Variants in ZNF385B observed in about 807,000 individuals in gnomAD.
ZNF385B encodes the protein zinc finger protein 385B, also known as zinc finger protein 533.
A neutral mutation model predicts 39.2 loss-of-function variants in ZNF385B; 23 were observed. The observed-to-expected ratio is 0.59, with a 90% CI of 0.42 to 0.83. ZNF385B has a LOEUF of 0.83. ZNF385B is among the 40% of genes least tolerant of loss of function. The pLI is 0.00. For synonymous variants in ZNF385B, 205 were observed against 222.6 expected, an observed-to-expected ratio of 0.92 and a Z score of 0.70; for missense variants, 552 against 598.9, an observed-to-expected ratio of 0.92 and a Z score of 0.82.
chr2:179,507,257 C>T (rs10166378), intron 5 of ZNF385B, among the ~76,000 whole-genome samples: 4,072 of 152,186 alleles, frequency 0.027, 188 homozygotes, highest in African/African-American at 0.093. Context: ...TGCAGACACA[C>T]AAAATTTTAC....
chr2:179,665,242 T>C (rs1694993013), intron 3 of ZNF385B, among the ~76,000 whole-genome samples: 1 of 152,222 alleles, frequency 6.6e-6, no homozygotes. Context: ...AGGATAATGA[T>C]AATACAATAT....
At chr2:179,774,326 C>T (rs1704186114) in intron 1 of ZNF385B, among the ~76,000 whole-genome samples, 1 of 151,314 alleles carries the variant, frequency 6.6e-6, no homozygotes, top group African/African-American at 2.4e-5. Flanking sequence ...GTGTGTAGCA[C>T]TGGTTGTGAA....
At chr2:179,688,654 T>A (rs914974346) in intron 3 of ZNF385B, among the ~76,000 whole-genome samples, 2 of 152,192 alleles carry the variant, frequency 1.3e-5, no homozygotes, top group African/African-American at 4.8e-5. Flanking sequence ...CTTCCACTGT[T>A]CCTGGGACAG....
rs571072397 is a variant in ZNF385B, at chr2:179,555,253, C to T, written c.299-10284G>A. On this transcript the variant is annotated intron_variant, in intron 3 of 9. Coordinates refer to ENST00000410066, the MANE Select transcript of ZNF385B (RefSeq NM_152520.6). The stretch of plus-strand genomic sequence containing the variant: ...ATAAAGGAGTACATGCTGTATGATA[C>T]CATTTATATAAAGCGTAAAACCAGG... Among the ~76,000 whole-genome samples the T allele has an allele frequency of 1.4e-4, 21 of 149,474 alleles. 3 individuals carry two copies. The highest frequency in any genetic ancestry group is 5.0e-4 in the African/African-American group (20 of 39,740).
At chr2:179,820,044 T>C (rs1707311214) in intron 1 of ZNF385B, among the ~76,000 whole-genome samples, 1 of 152,188 alleles carries the variant, frequency 6.6e-6, no homozygotes, top group African/African-American at 2.4e-5. Flanking sequence ...AATGTTTATG[T>C]ATGTACATGA....
At chr2:179,615,810 T>C (rs1046513466) in intron 3 of ZNF385B, among the ~76,000 whole-genome samples, 2 of 152,238 alleles carry the variant, frequency 1.3e-5, no homozygotes. Context: ...GCACCTTAGA[T>C]GGTTCTGAGG....
chr2:179,705,931 T>C (rs1027208792), intron 3 of ZNF385B, among the ~76,000 whole-genome samples: 1 of 152,218 alleles, frequency 6.6e-6, no homozygotes, highest in Admixed American at 6.5e-5. Flanking sequence ...TGTTCTTCCC[T>C]CTCTCTGTCC....
At chr2:179,449,441 T>A (rs973877150) in intron 6 of ZNF385B, among the ~76,000 whole-genome samples, 1 of 152,106 alleles carries the variant, frequency 6.6e-6, no homozygotes, top group Non-Finnish European at 1.5e-5. Flanking sequence ...ATCACAAGCA[T>A]TCTTATACAC....
At chr2:179,521,154 A>G (rs1448829104) in intron 4 of ZNF385B, among the ~76,000 whole-genome samples, 2 of 150,986 alleles carry the variant, frequency 1.3e-5, no homozygotes, top group Admixed American at 1.3e-4. Context: ...TTTTTTACAT[A>G]ACTCCTAATA....
At chr2:179,473,622 T>C (rs143869520) in intron 6 of ZNF385B, among the ~76,000 whole-genome samples, 19,260 of 152,130 alleles carry the variant, frequency 0.13, 1,319 homozygotes, top group Non-Finnish European at 0.15. Flanking sequence ...TTGCTGCACC[T>C]ATCAACCCAT....
intron 3 of ZNF385B, among the ~76,000 whole-genome samples, chr2:179,765,271 A>G (rs992364679): frequency 1.3e-5 from 2 of 152,128 alleles, no homozygotes; most frequent in African/African-American, 2.4e-5. Context: ...CCTTTAGCCA[A>G]TATTTAAGTA....
chr2:179,859,525 A>G (rs1559258625), intron 1 of ZNF385B, among the ~76,000 whole-genome samples: 1 of 152,202 alleles, frequency 6.6e-6, no homozygotes, highest in South Asian at 2.1e-4. Flanking sequence ...TTCCTTTGTT[A>G]GGAGAATTCA....
At chr2:179,574,966 G>A (rs1489343546) in intron 3 of ZNF385B, among the ~76,000 whole-genome samples, 2 of 152,030 alleles carry the variant, frequency 1.3e-5, no homozygotes, top group South Asian at 2.1e-4. Context: ...TTTTAGAACT[G>A]CCCTTCTTTC....
chr2:179,709,097 C>G lies in ZNF385B; in HGVS notation c.298+60406G>C, dbSNP rs146908822. ...AGAGTGAAGACCAATTTGCATTCAC[C>G]TGGGAAGGAGAACAATGAACCTTTA... is the stretch of plus-strand genomic sequence containing the variant. On this transcript the variant is annotated intron_variant, in intron 3 of 9. Transcript: ENST00000410066. Among the ~76,000 whole-genome samples the G allele has an allele frequency of 1.2e-4, 19 of 152,282 alleles. No individual in the cohort carries two copies. The East Asian group carries it at 3.7e-3, about 29-fold the overall frequency.
chr2:179,459,453 C>T (rs528131690), intron 6 of ZNF385B, among the ~76,000 whole-genome samples: 9 of 152,042 alleles, frequency 5.9e-5, no homozygotes, highest in African/African-American at 1.2e-4. Flanking sequence ...AGGAAATAAA[C>T]ATCCATCCAT....
At position 179,730,964 on chromosome 2, in the gene ZNF385B, C is replaced by G. The variant is rs147869864; in HGVS notation, c.298+38539G>C. Among the ~76,000 whole-genome samples, 404 of 152,304 alleles carry G rather than the reference C, an allele frequency of 2.7e-3. 3 individuals are homozygous for G. Among genetic ancestry groups the G allele is most frequent in the African/African-American group, 7.0e-3 (290 of 41,570 alleles). On this transcript the variant is annotated intron_variant, in intron 3 of 9. Transcript: ENST00000410066. ...ACTGGGACCTTTTTCCACCTTTTTA[C>G]CAAACACCATCAAAATATAACTCAG...
intron 3 of ZNF385B, among the ~76,000 whole-genome samples, chr2:179,553,714 CA>C (rs908662177): frequency 1.3e-5 from 2 of 149,158 alleles, no homozygotes; most frequent in African/African-American, 5.1e-5. Flanking sequence ...ATTCTGTCAT[CA>C]AATACATTTA....
chr2:179,842,065 T>C (rs1045856692), intron 1 of ZNF385B, among the ~76,000 whole-genome samples: 4 of 152,198 alleles, frequency 2.6e-5, no homozygotes, highest in African/African-American at 9.7e-5. Context: ...ATCTGTGAGA[T>C]GGAGATAATG....
At chr2:179,805,291 C>T (rs1455764475) in intron 1 of ZNF385B, among the ~76,000 whole-genome samples, 2 of 152,124 alleles carry the variant, frequency 1.3e-5, no homozygotes, top group African/African-American at 2.4e-5. Context: ...CTGGATGGTC[C>T]GGTCCAGCCA....
Sources: gnomAD v4.1 joint callset for allele counts (sites outside exome capture counted in the v4.1 genomes callset) on GRCh38, gnomAD v4.1.1 for gene constraint, MANE v1.5 for transcripts, NCBI Gene and HGNC (gene_info 2026-07-23, HGNC 2026-07-21) for gene names.